Variants in TOX3 observed in about 807,000 individuals in gnomAD.
TOX3 encodes TOX high mobility group box family member 3.
A neutral mutation model predicts 64.3 loss-of-function variants in TOX3; 22 were observed. The observed-to-expected ratio is 0.34, with a 90% CI of 0.24 to 0.49. The LOEUF is 0.49. TOX3 is among the 20% of genes least tolerant of loss of function. The probability of loss-of-function intolerance (pLI) is 0.99; values close to 1 mark genes in which losing one functional copy is unlikely to be tolerated. For synonymous variants in TOX3, 291 were observed against 273.6 expected, an observed-to-expected ratio of 1.06 and a Z score of -0.63; for missense variants, 661 against 714.4, an observed-to-expected ratio of 0.93 and a Z score of 0.85.
At chr16:52,462,421 C>A (rs577521247) in intron 3 of TOX3, among the ~76,000 whole-genome samples, 2 of 152,048 alleles carry the variant, frequency 1.3e-5, no homozygotes, top group Non-Finnish European at 2.9e-5. Context: ...GCCTCCTTTA[C>A]ACTTTTTTAT....
intron 1 of TOX3, among the ~76,000 whole-genome samples, chr16:52,486,316 C>G (rs1961531123): frequency 6.6e-6 from 1 of 152,114 alleles, no homozygotes; most frequent in Non-Finnish European, 1.5e-5. Context: ...TCCCTGACAT[C>G]AAGAGAAGAC....
intron 1 of TOX3, among the ~76,000 whole-genome samples, chr16:52,480,109 C>T (rs2151448261): frequency 6.6e-6 from 1 of 152,296 alleles, no homozygotes; most frequent in South Asian, 2.1e-4. Context: ...CATTGCAACA[C>T]CAGGGCCAGG....
At chr16:52,462,664 T>C (rs866760047) in intron 3 of TOX3, among the ~76,000 whole-genome samples, 2 of 152,096 alleles carry the variant, frequency 1.3e-5, no homozygotes, top group South Asian at 4.1e-4. Flanking sequence ...TTTATTCTTT[T>C]CTAAGCAAAA....
chr16:52,547,534 G>A, upstream of TOX3: 1 of 152,346 alleles, frequency 6.6e-6, no homozygotes. Context: ...CAAGCCGTCT[G>A]CTCCCTTCCT....
rs191259260 is a variant in TOX3 at position 52,535,077 on chromosome 16, A to C, written c.87+11560T>G. Among the ~76,000 whole-genome samples, 170 of 152,286 alleles carry C rather than the reference A, an allele frequency of 1.1e-3. 1 individual carries two copies. The highest frequency in any genetic ancestry group is 4.0e-3 in the African/African-American group (165 of 41,552). On this transcript the variant is annotated intron_variant, in intron 1 of 6. Transcript: ENST00000219746. ...TCTCACCAAAAGAGGATCATCCAAG[A>C]AGCACATAAAAACTAAAACTTTGAA...
chr16:52,454,898 C>A (rs1960472209), intron 3 of TOX3, among the ~76,000 whole-genome samples: 1 of 152,284 alleles, frequency 6.6e-6, no homozygotes, highest in African/African-American at 2.4e-5. Flanking sequence ...AAATTGCTCA[C>A]AATTTTTCCC....
intron 6 of TOX3, among the ~76,000 whole-genome samples, chr16:52,442,522 G>A (rs991429096): frequency 3.9e-5 from 6 of 152,076 alleles, no homozygotes; most frequent in African/African-American, 7.2e-5. Flanking sequence ...CCTCACTATC[G>A]TGGAGGCAAT....
chr16:52,488,565 T>G (rs1339663236), intron 1 of TOX3, among the ~76,000 whole-genome samples: 3 of 152,142 alleles, frequency 2.0e-5, no homozygotes, highest in Non-Finnish European at 2.9e-5. Flanking sequence ...CAAACTTTCT[T>G]TTTAGTGGAA....
intron 3 of TOX3, among the ~76,000 whole-genome samples, chr16:52,453,118 C>A (rs1960404675): frequency 6.6e-6 from 1 of 152,132 alleles, no homozygotes; most frequent in Non-Finnish European, 1.5e-5. Flanking sequence ...AACTTCCACC[C>A]CCACACTACT....
intron 1 of TOX3, among the ~76,000 whole-genome samples, chr16:52,505,807 T>G (rs1243213020): frequency 6.6e-6 from 1 of 152,042 alleles, no homozygotes; most frequent in Admixed American, 6.6e-5. Context: ...GGAGACCCCG[T>G]CCTACAAAAA....
chr16:52,477,685 G>A (rs1961249201), intron 1 of TOX3, among the ~76,000 whole-genome samples: 1 of 152,104 alleles, frequency 6.6e-6, no homozygotes, highest in East Asian at 1.9e-4. Context: ...TTGTGTACAA[G>A]CTTGCTAGGG....
At chr16:52,520,780 G>A (rs1360055972) in intron 1 of TOX3, among the ~76,000 whole-genome samples, 4 of 152,220 alleles carry the variant, frequency 2.6e-5, no homozygotes, top group Admixed American at 1.3e-4. Flanking sequence ...TTCAGGTCAA[G>A]TTTTGATGCA....
At chr16:52,449,573 G>T (rs1453739474) in intron 4 of TOX3, among the ~76,000 whole-genome samples, 1 of 152,040 alleles carries the variant, frequency 6.6e-6, no homozygotes, top group Non-Finnish European at 1.5e-5. Flanking sequence ...ATCCCCAAAG[G>T]GGAATCTCAT....
At chr16:52,507,482 A>T (rs1489675258) in intron 1 of TOX3, among the ~76,000 whole-genome samples, 1 of 152,242 alleles carries the variant, frequency 6.6e-6, no homozygotes, top group Non-Finnish European at 1.5e-5. Flanking sequence ...TAAAGAATAT[A>T]AGTTCTCTGC....
chr16:52,531,270 A>G (rs912129201), intron 1 of TOX3, among the ~76,000 whole-genome samples: 11 of 152,358 alleles, frequency 7.2e-5, no homozygotes, highest in African/African-American at 2.4e-4. Context: ...AAAAATATAA[A>G]GGCAGGCAAT....
intron 1 of TOX3, among the ~76,000 whole-genome samples, chr16:52,525,480 G>T (rs1962709247): frequency 1.3e-5 from 2 of 152,166 alleles, no homozygotes; most frequent in South Asian, 4.1e-4. Flanking sequence ...TATACTCAGA[G>T]GGCAAACGCT....
intron 1 of TOX3, among the ~76,000 whole-genome samples, chr16:52,493,530 T>C (rs551602741): frequency 6.6e-6 from 1 of 152,350 alleles, no homozygotes; most frequent in East Asian, 1.9e-4. Context: ...GAGAATTACT[T>C]ACTGGCAAGA....
In TOX3 at chr16:52,519,522, C is replaced by A. The variant is rs1459902077; in HGVS notation, c.87+27115G>T. ...TATGAGTATCTAAATCCTCTCTACCCTCTTCTGACTCTTCTGTCCTCTGCT... is the reference window on the plus strand; with the variant it reads ...TATGAGTATCTAAATCCTCTCTACCATCTTCTGACTCTTCTGTCCTCTGCT... On this transcript the variant is annotated intron_variant, in intron 1 of 6. Transcript: ENST00000219746. 2.6e-6 allele frequency: 4 copies of A among 1,546,780 alleles called. No homozygotes were observed. The East Asian group carries it at 9.8e-5, about 38-fold the overall frequency.
intron 1 of TOX3, among the ~76,000 whole-genome samples, chr16:52,508,325 G>A (rs377457653): frequency 2.7e-4 from 41 of 152,262 alleles, no homozygotes; most frequent in African/African-American, 9.4e-4. Flanking sequence ...GTAAAGACAT[G>A]AGAACAATTC....
Sources: gnomAD v4.1 joint callset for allele counts (sites outside exome capture counted in the v4.1 genomes callset) on GRCh38, gnomAD v4.1.1 for gene constraint, MANE v1.5 for transcripts, NCBI Gene and HGNC (gene_info 2026-07-23, HGNC 2026-07-21) for gene names.